Variants in LPP observed in about 807,000 individuals in gnomAD.
LPP encodes the protein lipoma-preferred partner.
A neutral mutation model predicts 60.4 loss-of-function variants in LPP; 38 were observed. The observed-to-expected ratio is 0.63, with a 90% confidence interval of 0.49 to 0.83. The LOEUF is 0.83. Among genes scored for constraint, LPP ranks in the 40% least tolerant of loss-of-function variants. The pLI is 0.00. For missense variants in LPP, 902 were observed against 783.6 expected (o/e 1.15, Z -1.80); for synonymous variants, 328 against 290.8 (o/e 1.13, Z -1.30).
intron 3 of LPP, among the ~76,000 whole-genome samples, chr3:188,394,740 G>A (rs1191245482): frequency 1.3e-5 from 2 of 152,132 alleles, no homozygotes; most frequent in Admixed American, 6.5e-5. Flanking sequence ...AATGTCCATA[G>A]ATGTGATTCT....
intron 5 of LPP, among the ~76,000 whole-genome samples, chr3:188,491,335 G>A (rs1021200040): frequency 6.6e-6 from 1 of 152,128 alleles, no homozygotes; most frequent in Non-Finnish European, 1.5e-5. Flanking sequence ...TAGAGGTAGT[G>A]GACAGTGTTG....
At chr3:188,401,263 T>G (rs1325534230) in intron 3 of LPP, among the ~76,000 whole-genome samples, 1 of 152,212 alleles carries the variant, frequency 6.6e-6, no homozygotes, top group East Asian at 1.9e-4. Flanking sequence ...ATAAAACCTT[T>G]AAAAGGCAGA....
At chr3:188,651,509 A>C (rs1298900590) in intron 7 of LPP, among the ~76,000 whole-genome samples, 1 of 152,232 alleles carries the variant, frequency 6.6e-6, no homozygotes, top group Non-Finnish European at 1.5e-5. Flanking sequence ...TGTTGTGTAT[A>C]TTAGTCCGTT....
At chr3:188,696,634 T>C (rs1392265763) in intron 7 of LPP, among the ~76,000 whole-genome samples, 5 of 152,186 alleles carry the variant, frequency 3.3e-5, no homozygotes, top group Admixed American at 6.5e-5. Context: ...CATTTTATTT[T>C]TGAAATAACT....
intron 7 of LPP, among the ~76,000 whole-genome samples, chr3:188,683,209 A>G (rs367875572): frequency 6.6e-6 from 1 of 151,926 alleles, no homozygotes; most frequent in Admixed American, 6.6e-5. Context: ...ACCAAGCATA[A>G]TGAGGTAAAG....
At position 188,614,924 on chromosome 3, in the gene LPP, C is replaced by T. The variant is rs532077974; in HGVS notation, c.1113+5080C>T. Among the ~76,000 whole-genome samples the T allele has an allele frequency of 1.4e-4, 22 of 152,280 alleles. No individual in the cohort carries two copies. The East Asian group carries it at 2.3e-3, about 16-fold the overall frequency. On this transcript the variant is annotated intron_variant, in intron 7 of 11. Coordinates refer to ENST00000617246, the MANE Select transcript of LPP (RefSeq NM_001375462.1). ...CTGGTGCCTTAGAGCTATACTTCCC[C>T]ATCCCCATCAGTCACATAAAATTTG...
chr3:188,620,979 C>CTGAAT (rs1295153518), intron 7 of LPP, among the ~76,000 whole-genome samples: 8 of 152,160 alleles, frequency 5.3e-5, no homozygotes, highest in Non-Finnish European at 1.2e-4. Context: ...ATAACACCTA[C>CTGAAT]TGAATTGACA....
At chr3:188,862,709 A>C (rs1765465981) in intron 9 of LPP, among the ~76,000 whole-genome samples, 1 of 116,602 alleles carries the variant, frequency 8.6e-6, no homozygotes, top group Non-Finnish European at 1.7e-5. Flanking sequence ...CAACCCTACT[A>C]GACAAAAAAA....
chr3:188,583,753 C>A (rs191899009), intron 6 of LPP, among the ~76,000 whole-genome samples: 1 of 152,158 alleles, frequency 6.6e-6, no homozygotes, highest in East Asian at 1.9e-4. Context: ...ACTGTCTCGC[C>A]AGTGCACATA....
At chr3:188,253,347 A>G (rs1314321629) in intron 2 of LPP, among the ~76,000 whole-genome samples, 1 of 152,150 alleles carries the variant, frequency 6.6e-6, no homozygotes, top group Non-Finnish European at 1.5e-5. Flanking sequence ...TGTTATCTGC[A>G]TGTTATCTTC....
At chr3:188,513,118 A>G (rs1816304492) in intron 5 of LPP, among the ~76,000 whole-genome samples, 2 of 152,222 alleles carry the variant, frequency 1.3e-5, no homozygotes, top group African/African-American at 2.4e-5. Context: ...CTGGAAAAAT[A>G]TCCATGATCC....
At chr3:188,635,053 G>T (rs564035027) in intron 7 of LPP, among the ~76,000 whole-genome samples, 14 of 152,162 alleles carry the variant, frequency 9.2e-5, no homozygotes, top group African/African-American at 3.4e-4. Flanking sequence ...CCTAATGTGG[G>T]ACATGGCAGA....
intron 4 of LPP, among the ~76,000 whole-genome samples, chr3:188,443,125 C>T (rs1192457701): frequency 6.6e-6 from 1 of 152,114 alleles, no homozygotes; most frequent in African/African-American, 2.4e-5. Flanking sequence ...ACTTTGTCTT[C>T]TATGCTTTTA....
chr3:188,869,034 C>G (rs894407675), intron 10 of LPP, among the ~76,000 whole-genome samples: 2 of 152,154 alleles, frequency 1.3e-5, no homozygotes, highest in East Asian at 3.9e-4. Context: ...TCACCTGGCT[C>G]TGTGGTCAGA....
intron 1 of LPP, among the ~76,000 whole-genome samples, chr3:188,194,139 C>T (rs1240944813): frequency 2.6e-5 from 4 of 152,178 alleles, no homozygotes; most frequent in Non-Finnish European, 5.9e-5. Context: ...CATTCCTGGT[C>T]AGTTAGCCAT....
chr3:188,411,208 A>G (rs936851002), intron 4 of LPP, among the ~76,000 whole-genome samples: 1 of 152,140 alleles, frequency 6.6e-6, no homozygotes, highest in Non-Finnish European at 1.5e-5. Context: ...GCAAATTAAA[A>G]CCACATTGAG....
intron 3 of LPP, among the ~76,000 whole-genome samples, chr3:188,391,344 C>T (rs1382972808): frequency 6.6e-6 from 1 of 152,176 alleles, no homozygotes; most frequent in Non-Finnish European, 1.5e-5. Context: ...GTGCTCTGTG[C>T]ACGGCTCTTC....
chr3:188,325,228 G>A (rs1243424925), intron 2 of LPP, among the ~76,000 whole-genome samples: 4 of 152,150 alleles, frequency 2.6e-5, no homozygotes, highest in South Asian at 2.1e-4. Flanking sequence ...TGATCCACCC[G>A]CCTCGGCCTC....
At chr3:188,382,201 A>T (rs144032777) in intron 3 of LPP, among the ~76,000 whole-genome samples, 1 of 152,162 alleles carries the variant, frequency 6.6e-6, no homozygotes, top group Non-Finnish European at 1.5e-5. Flanking sequence ...TTCCTAATGC[A>T]GGCCATAGAC....
Sources: allele counts gnomAD v4.1 joint callset (sites outside exome capture counted in the v4.1 genomes callset), GRCh38; gene constraint gnomAD v4.1.1; transcripts MANE v1.5; gene names NCBI Gene and HGNC (gene_info 2026-07-23, HGNC 2026-07-21).